Variants in NBAS observed in about 807,000 individuals in gnomAD.
The protein encoded by NBAS is NAG/BC035112 fusion.
In NBAS, 219 loss-of-function variants were observed where a neutral mutation model predicts 302.5. The ratio of observed to expected loss-of-function variants is 0.72; its 90% CI spans 0.65 to 0.81. The LOEUF is 0.81. NBAS is among the 30% of genes least tolerant of loss of function. The pLI, the probability that NBAS is intolerant of heterozygous loss-of-function variation, is 0.00. For missense variants in NBAS, 2,932 were observed against 2,841.6 expected, an observed-to-expected ratio of 1.03 and a Z score of -0.72; for synonymous variants, 1,118 against 1,021.6, an observed-to-expected ratio of 1.09 and a Z score of -1.80.
the NBAS span, among the ~76,000 whole-genome samples, chr2:14,786,349 C>A: frequency 6.6e-6 from 1 of 151,990 alleles, no homozygotes; most frequent in Non-Finnish European, 1.5e-5. Context: ...TTAGTTATTT[C>A]TTGCCTTCTG....
At chr2:14,868,930 A>T in the NBAS span, among the ~76,000 whole-genome samples, 1 of 152,210 alleles carries the variant, frequency 6.6e-6, no homozygotes, top group Non-Finnish European at 1.5e-5. Flanking sequence ...AGAATTTTCC[A>T]AAGGGAGTTG....
the NBAS span, among the ~76,000 whole-genome samples, chr2:15,132,063 T>A: frequency 6.6e-6 from 1 of 152,200 alleles, no homozygotes; most frequent in Non-Finnish European, 1.5e-5. Flanking sequence ...TCAAACTATA[T>A]CATCTTCCTT....
chr2:15,044,786 C>T, the NBAS span, among the ~76,000 whole-genome samples: 1 of 152,180 alleles, frequency 6.6e-6, no homozygotes, highest in Non-Finnish European at 1.5e-5. Context: ...TGAGGAGTTA[C>T]CCTAGCTTTC....
the NBAS span, among the ~76,000 whole-genome samples, chr2:15,008,626 C>T: frequency 6.6e-6 from 1 of 152,278 alleles, no homozygotes; most frequent in South Asian, 2.1e-4. Context: ...ATCGGGGCTA[C>T]TTGCTTACCT....
chr2:15,517,273 T>TAG (rs1231253905), intron 9 of NBAS, among the ~76,000 whole-genome samples: 8 of 152,222 alleles, frequency 5.3e-5, no homozygotes, highest in Admixed American at 3.9e-4. Flanking sequence ...ACTCGATAGG[T>TAG]AGTTTTTTGA....
intron 10 of NBAS, among the ~76,000 whole-genome samples, chr2:15,509,916 C>T (rs1268196985): frequency 2.0e-5 from 3 of 152,128 alleles, no homozygotes; most frequent in Non-Finnish European, 4.4e-5. Flanking sequence ...GTGGCACAAT[C>T]TCGGCTCACT....
the NBAS span, among the ~76,000 whole-genome samples, chr2:14,783,106 A>C: frequency 1.3e-5 from 2 of 152,136 alleles, no homozygotes; most frequent in Non-Finnish European, 2.9e-5. Context: ...CCTGAACCGA[A>C]AATAAAAGTC....
At chr2:14,910,919 T>C in the NBAS span, among the ~76,000 whole-genome samples, 1 of 152,232 alleles carries the variant, frequency 6.6e-6, no homozygotes, top group East Asian at 1.9e-4. Context: ...CAATACTCTT[T>C]GGTAATTTAC....
At chr2:14,858,239 G>C in the NBAS span, among the ~76,000 whole-genome samples, 1 of 152,108 alleles carries the variant, frequency 6.6e-6, no homozygotes, top group Non-Finnish European at 1.5e-5. Flanking sequence ...AACCACTATG[G>C]AGAACAGTTT....
At chr2:15,114,300 T>G in the NBAS span, among the ~76,000 whole-genome samples, 1 of 152,000 alleles carries the variant, frequency 6.6e-6, no homozygotes, top group Non-Finnish European at 1.5e-5. Context: ...TTCCCCAGAG[T>G]CCTCTCTCCC....
chr2:15,057,795 T>C, the NBAS span, among the ~76,000 whole-genome samples: 1 of 152,252 alleles, frequency 6.6e-6, no homozygotes, highest in East Asian at 1.9e-4. Context: ...ATCTCATATA[T>C]ACCAGAGTTT....
At chr2:15,337,965 T>A (rs1672668220) in intron 35 of NBAS, among the ~76,000 whole-genome samples, 1 of 152,200 alleles carries the variant, frequency 6.6e-6, no homozygotes, top group Non-Finnish European at 1.5e-5. Flanking sequence ...CAAAACCACG[T>A]CATTGGTTCC....
At chr2:15,389,146 G>A (rs1215621382) in intron 28 of NBAS, among the ~76,000 whole-genome samples, 2 of 152,092 alleles carry the variant, frequency 1.3e-5, no homozygotes, top group African/African-American at 2.4e-5. Flanking sequence ...TCGTCAGACA[G>A]GCTCTCAAAC....
the NBAS span, among the ~76,000 whole-genome samples, chr2:15,090,347 G>A: frequency 6.6e-6 from 1 of 152,162 alleles, no homozygotes; most frequent in Non-Finnish European, 1.5e-5. Context: ...GGCTTTCATT[G>A]ATGTAAAATA....
rs555894886 is a variant in NBAS at position 15,528,878 on chromosome 2, A to AAAAAAAAAT, written c.746+5664_746+5665insATTTTTTTT. ...TGAGACTCCATCTCAAAAAAAAAAA[A>AAAAAAAAAT]ATATATATATATATATATATGTGTG... is the stretch of plus-strand genomic sequence containing the variant. On this transcript the variant is annotated intron_variant, in intron 9 of 51. Transcript: ENST00000281513. 9.1e-5 allele frequency among the ~76,000 whole-genome samples: 11 copies of AAAAAAAAAT among 121,538 alleles called. No homozygotes were observed. The South Asian group carries it at 2.7e-3, about 30-fold the overall frequency. The allele number at this position is 121,538 out of a possible 152,430, so 79.7% of individuals were successfully genotyped here.
chr2:14,966,969 A>G, the NBAS span, among the ~76,000 whole-genome samples: 1 of 152,196 alleles, frequency 6.6e-6, no homozygotes, highest in African/African-American at 2.4e-5. Flanking sequence ...CAAGATCAAT[A>G]TACAAAAATC....
Position 15,345,187 on chromosome 2 carries a change from G to A in NBAS, c.4179+6805C>T, listed in dbSNP as rs553574743. On this transcript the variant is annotated intron_variant, in intron 35 of 51. Coordinates refer to ENST00000281513, the MANE Select transcript of NBAS (RefSeq NM_015909.4). ...ACCAGGCAAGAGAAAGAAATAAAGG[G>A]TATTCAAATAGGAAGACAGGAAGTC... Among the ~76,000 whole-genome samples, 3 of 152,196 alleles carry A rather than the reference G, an allele frequency of 2.0e-5. No individual in the cohort carries two copies. In the South Asian group the frequency reaches 6.2e-4, roughly 32 times the overall value.
chr2:14,896,481 C>A, the NBAS span, among the ~76,000 whole-genome samples: 18 of 152,256 alleles, frequency 1.2e-4, no homozygotes, highest in East Asian at 3.3e-3. Flanking sequence ...TTCCTTCCTC[C>A]GTGTTATGGG....
chr2:15,179,243 T>G, intron 50 of NBAS, 127 bp from the exon 51 acceptor site: 6 of 1,396,032 alleles, frequency 4.3e-6, no homozygotes, highest in Non-Finnish European at 6.0e-6. Flanking sequence ...CCACATATGG[T>G]ACCGCACTGG....
Sources: gnomAD v4.1 joint callset for allele counts (sites outside exome capture counted in the v4.1 genomes callset) on GRCh38, gnomAD v4.1.1 for gene constraint, MANE v1.5 for transcripts, NCBI Gene and HGNC (gene_info 2026-07-23, HGNC 2026-07-21) for gene names.